The following BTBD9 variants were observed in gnomAD, a reference collection of about 807,000 sequenced individuals.
The protein encoded by BTBD9 is BTB/POZ domain-containing protein 9.
BTBD9 carries 49 observed loss-of-function variants against 64.3 expected under a neutral mutation model. The observed-to-expected ratio is 0.76, with a 90% CI of 0.61 to 0.97. BTBD9 has a LOEUF of 0.97. BTBD9 is among the 50% of genes least tolerant of loss of function. The probability of loss-of-function intolerance (pLI) is 0.00; values close to 1 mark genes in which losing one functional copy is unlikely to be tolerated. For synonymous variants in BTBD9, 260 were observed against 274.7 expected (o/e 0.95, Z 0.53); for missense variants, 598 against 762.1 (o/e 0.78, Z 2.53).
chr6:38,619,759 T>C (rs1171084173), intron 1 of BTBD9, among the ~76,000 whole-genome samples: 1 of 152,216 alleles, frequency 6.6e-6, no homozygotes, highest in Non-Finnish European at 1.5e-5. Context: ...CAAGGTACAT[T>C]ACCATCTGAG....
chr6:38,316,134 T>C (rs758938531), intron 7 of BTBD9, among the ~76,000 whole-genome samples: 3 of 152,220 alleles, frequency 2.0e-5, no homozygotes, highest in Non-Finnish European at 4.4e-5. Context: ...ACTCCTGTTC[T>C]TTTTTGGTTT....
intron 8 of BTBD9, among the ~76,000 whole-genome samples, chr6:38,268,846 T>A (rs1215054232): frequency 1.3e-5 from 2 of 152,206 alleles, no homozygotes; most frequent in Non-Finnish European, 2.9e-5. Flanking sequence ...CTCCTTCAGG[T>A]TCTCCCTTGG....
At chr6:38,220,118 A>G (rs1335544135) in intron 9 of BTBD9, among the ~76,000 whole-genome samples, 1 of 152,194 alleles carries the variant, frequency 6.6e-6, no homozygotes, top group Non-Finnish European at 1.5e-5. Flanking sequence ...AGGTGGGTAC[A>G]GGGAACATGA....
chr6:38,439,110 C>CTTTTTTTTT (rs35699356), intron 6 of BTBD9, among the ~76,000 whole-genome samples: 43 of 64,042 alleles, frequency 6.7e-4, no homozygotes, highest in South Asian at 1.6e-3. Context: ...TAGCAACTGA[C>CTTTTTTTTT]TTTTTTTTTT....
At chr6:38,490,597 G>A (rs1330258839) in intron 6 of BTBD9, among the ~76,000 whole-genome samples, 1 of 152,144 alleles carries the variant, frequency 6.6e-6, no homozygotes, top group Non-Finnish European at 1.5e-5. Context: ...TGGGATTACA[G>A]GTGTGAGTCA....
At position 38,401,386 on chromosome 6, in the gene BTBD9, T is replaced by C. The variant is rs560786738; in HGVS notation, c.1155-56293A>G. 3.3e-5 allele frequency among the ~76,000 whole-genome samples: 5 copies of C among 152,330 alleles called. No individual in the cohort carries two copies. In the South Asian group the frequency reaches 8.3e-4, roughly 25 times the overall value. The stretch of plus-strand genomic sequence containing the variant: ...GAGTCAATGTTAAACCTCTTTCCTT[T>C]ATAAATTATCCAGTCTCAGGTAGTA... On this transcript the variant is annotated intron_variant, in intron 6 of 10. Transcript: ENST00000481247.
Position 38,326,658 on chromosome 6 carries a change from T to C in BTBD9, c.1264+18326A>G, listed in dbSNP as rs144916384. ...GAAAATCTCTCTGATCATGTATATT[T>C]TACTTGTGTTTCCACAGCTTACTGA... is the stretch of plus-strand genomic sequence containing the variant. On this transcript the variant is annotated intron_variant, in intron 7 of 10. Transcript: ENST00000481247. 2.6e-3 allele frequency among the ~76,000 whole-genome samples: 395 copies of C among 152,246 alleles called. 2 individuals are homozygous for C. The highest frequency in any genetic ancestry group is 9.1e-3 in the African/African-American group (379 of 41,542).
chr6:38,287,436 T>C (rs750173353), intron 8 of BTBD9, among the ~76,000 whole-genome samples: 1 of 151,968 alleles, frequency 6.6e-6, no homozygotes, highest in Non-Finnish European at 1.5e-5. Context: ...TGAGGCACCG[T>C]GCCCAGGCAC....
rs919520329 is a variant in BTBD9, at chr6:38,168,620, A to T, written c.*6365T>A. The T allele has an allele frequency of 1.3e-5, 2 of 152,294 alleles. No homozygotes were observed. The highest frequency in any genetic ancestry group is 4.8e-5 in the African/African-American group (2 of 41,474). The allele number at this position is 152,294 out of a possible 1,614,324, so 9.4% of individuals were successfully genotyped here. The stretch of plus-strand genomic sequence containing the variant: ...TAATACACATTCCACATAGCAGCAC[A>T]GCCTTTTGGGCATCTTTGGAGTTTT... On this transcript the variant is annotated 3_prime_UTR_variant, in exon 11 of 11. Transcript: ENST00000481247.
At chr6:38,210,293 A>ATCTC (rs373684615) in intron 9 of BTBD9, among the ~76,000 whole-genome samples, 7 of 150,794 alleles carry the variant, frequency 4.6e-5, no homozygotes, top group Non-Finnish European at 4.4e-5. Flanking sequence ...TTAGATAATT[A>ATCTC]TCTCTCTCTC....
At position 38,208,711 on chromosome 6, in the gene BTBD9, T is replaced by G. The variant is rs192800435; in HGVS notation, c.1563-16114A>C. Among the ~76,000 whole-genome samples the G allele has an allele frequency of 1.5e-3, 223 of 152,348 alleles. 1 individual carries two copies. Among genetic ancestry groups the G allele is most frequent in the African/African-American group, 5.1e-3 (210 of 41,582 alleles). Reference sequence around the variant, plus strand: ...ACCCCAGGAGTATGTTCTTTTGTTCTGCAGGATGCTTAACTGGATTTTATA... The same window carrying G: ...ACCCCAGGAGTATGTTCTTTTGTTCGGCAGGATGCTTAACTGGATTTTATA... On this transcript the variant is annotated intron_variant, in intron 9 of 10. Coordinates refer to ENST00000481247, the MANE Select transcript of BTBD9 (RefSeq NM_001099272.2).
rs1582675429 is a variant in BTBD9 at position 38,586,263 on chromosome 6, T to G, written c.815-5826A>C. On this transcript the variant is annotated intron_variant, in intron 4 of 10. Coordinates refer to ENST00000481247, the MANE Select transcript of BTBD9 (RefSeq NM_001099272.2). Reference sequence around the variant, plus strand: ...GGCAGAGGTACAGGTAGTTCAAATATCCTAAGAAAAAAAAATTCATTAAAA... The same window carrying G: ...GGCAGAGGTACAGGTAGTTCAAATAGCCTAAGAAAAAAAAATTCATTAAAA... Among the ~76,000 whole-genome samples, 6 of 151,860 alleles carry G rather than the reference T, an allele frequency of 4.0e-5. 1 individual carries two copies. The South Asian group carries it at 1.2e-3, about 32-fold the overall frequency.
rs571001739 is a variant in BTBD9 at position 38,502,064 on chromosome 6, G to A, written c.1154+75536C>T. On this transcript the variant is annotated intron_variant, in intron 6 of 10. Coordinates refer to ENST00000481247, the MANE Select transcript of BTBD9 (RefSeq NM_001099272.2). ...TGCAATATCCTGGTGTCAATGAGAAGCTGGTTTCTATTGTCAAGAACTCTG... is the reference window on the plus strand; with the variant it reads ...TGCAATATCCTGGTGTCAATGAGAAACTGGTTTCTATTGTCAAGAACTCTG... Among the ~76,000 whole-genome samples, 9 of 152,294 alleles carry A rather than the reference G, an allele frequency of 5.9e-5. No homozygotes were observed. The South Asian group carries it at 1.9e-3, about 32-fold the overall frequency.
intron 6 of BTBD9, among the ~76,000 whole-genome samples, chr6:38,432,795 T>C (rs557997237): frequency 1.3e-5 from 2 of 151,860 alleles, no homozygotes; most frequent in Non-Finnish European, 2.9e-5. Flanking sequence ...ATCAGCAGCA[T>C]CCATTCCCTA....
Position 38,374,305 on chromosome 6 carries a change from ATG to A in BTBD9, c.1155-29214_1155-29213del, listed in dbSNP as rs200891990. Among the ~76,000 whole-genome samples the A allele has an allele frequency of 5.2e-3, 349 of 66,508 alleles. 59 individuals carry two copies. Among genetic ancestry groups the A allele is most frequent in the East Asian group, 0.049 (123 of 2,516 alleles). The allele number at this position is 66,508 out of a possible 152,430, so 43.6% of individuals were successfully genotyped here. A position where few individuals can be genotyped will look rare whatever the true frequency, so the allele number is the denominator to read the frequency against. ...AAAGTATATATATATATGTATATATATGTATATATATATATATATATGTATAT... is the reference window on the plus strand; with the variant it reads ...AAAGTATATATATATATGTATATATATATATATATATATATATATGTATAT... On this transcript the variant is annotated intron_variant, in intron 6 of 10. Transcript: ENST00000481247.
At chr6:38,183,793 G>T (rs17678833) in intron 10 of BTBD9, among the ~76,000 whole-genome samples, 55,689 of 152,052 alleles carry the variant, frequency 0.37, 10,780 homozygotes, top group Non-Finnish European at 0.44. Context: ...GCCATCTTCA[G>T]TTATTCCTTC....
At chr6:38,439,005 C>T (rs1331952114) in intron 6 of BTBD9, among the ~76,000 whole-genome samples, 1 of 151,686 alleles carries the variant, frequency 6.6e-6, no homozygotes, top group East Asian at 1.9e-4. Flanking sequence ...AACAGCAAAG[C>T]GTGTCCTGGA....
At chr6:38,301,612 A>C (rs1762406168) in intron 7 of BTBD9, among the ~76,000 whole-genome samples, 1 of 152,112 alleles carries the variant, frequency 6.6e-6, no homozygotes, top group African/African-American at 2.4e-5. Context: ...TCCAGAATTT[A>C]TCCATTTCTT....
chr6:38,500,262 T>G (rs1338541772), intron 6 of BTBD9, among the ~76,000 whole-genome samples: 10 of 136,352 alleles, frequency 7.3e-5, no homozygotes, highest in East Asian at 4.3e-4. Context: ...AGCAGAGGGG[T>G]GGTAGTAGGG....
Sources: gnomAD v4.1 joint callset for allele counts (sites outside exome capture counted in the v4.1 genomes callset) on GRCh38, gnomAD v4.1.1 for gene constraint, MANE v1.5 for transcripts, NCBI Gene and HGNC (gene_info 2026-07-23, HGNC 2026-07-21) for gene names.